Variants in KCNIP4 observed in about 807,000 individuals in gnomAD.
The protein encoded by KCNIP4 is Kv channel-interacting protein 4.
KCNIP4 carries 12 observed loss-of-function variants against 34.0 expected under a neutral mutation model. The ratio of observed to expected loss-of-function variants is 0.35; its 90% confidence interval spans 0.23 to 0.57. The LOEUF (loss-of-function observed/expected upper bound fraction) is 0.57, where lower values mean the gene tolerates loss of function less well. KCNIP4 is among the 20% of genes least tolerant of loss of function. The pLI is 0.83. For synonymous variants in KCNIP4, 124 were observed against 102.2 expected (o/e 1.21, Z -1.29); for missense variants, 238 against 311.7 (o/e 0.76, Z 1.78).
chr4:21,472,964 A>C (rs1730593739), intron 1 of KCNIP4, among the ~76,000 whole-genome samples: 1 of 152,176 alleles, frequency 6.6e-6, no homozygotes. Flanking sequence ...TTTTCAGGAG[A>C]GAAATATACT....
intron 1 of KCNIP4, among the ~76,000 whole-genome samples, chr4:21,331,069 T>G (rs1249014349): frequency 6.6e-6 from 1 of 152,206 alleles, no homozygotes; most frequent in Non-Finnish European, 1.5e-5. Context: ...CTTGTTCATG[T>G]GTAAGACACT....
intron 5 of KCNIP4, 67 bp from the exon 6 acceptor site, chr4:20,734,802 G>T: frequency 1.4e-6 from 1 of 691,106 alleles, no homozygotes. Context: ...AAAAACAAAT[G>T]ATGTAAGTAA....
intron 1 of KCNIP4, among the ~76,000 whole-genome samples, chr4:21,114,078 C>G (rs573545404): frequency 1.3e-5 from 2 of 150,638 alleles, no homozygotes; most frequent in African/African-American, 5.0e-5. Context: ...CTGATTCAGT[C>G]TTATCAGAGC....
At chr4:21,055,192 G>C (rs1428283207) in intron 1 of KCNIP4, among the ~76,000 whole-genome samples, 1 of 152,092 alleles carries the variant, frequency 6.6e-6, no homozygotes, top group East Asian at 1.9e-4. Context: ...GTAATTACAG[G>C]AGTATAAATT....
chr4:21,403,336 T>C (rs1011713976), intron 1 of KCNIP4, among the ~76,000 whole-genome samples: 4 of 152,194 alleles, frequency 2.6e-5, no homozygotes, highest in Admixed American at 6.5e-5. Flanking sequence ...TATAACCAAT[T>C]TCCACTGCTA....
chr4:21,583,928 T>G (rs1741422642), intron 1 of KCNIP4, among the ~76,000 whole-genome samples: 1 of 152,066 alleles, frequency 6.6e-6, no homozygotes, highest in African/African-American at 2.4e-5. Context: ...GTTCTTTTCT[T>G]GCATATGTTA....
intron 1 of KCNIP4, among the ~76,000 whole-genome samples, chr4:21,525,031 TCTC>T (rs1735856676): frequency 6.6e-6 from 1 of 152,030 alleles, no homozygotes; most frequent in African/African-American, 2.4e-5. Context: ...AAAGTCATCT[TCTC>T]CTTCTCCTAA....
chr4:21,608,987 T>TGACC (rs1189414272), intron 1 of KCNIP4: 1 of 152,198 alleles, frequency 6.6e-6, no homozygotes, highest in East Asian at 1.9e-4. Flanking sequence ...GCCTCATCAC[T>TGACC]GACCAGCCAA....
intron 1 of KCNIP4, among the ~76,000 whole-genome samples, chr4:21,140,716 C>T (rs924724572): frequency 6.6e-6 from 1 of 152,086 alleles, no homozygotes; most frequent in African/African-American, 2.4e-5. Flanking sequence ...AGTCTTTTTT[C>T]TGAATTTGCC....
At chr4:21,436,026 A>G (rs1299496706) in intron 1 of KCNIP4, among the ~76,000 whole-genome samples, 1 of 152,302 alleles carries the variant, frequency 6.6e-6, no homozygotes, top group East Asian at 1.9e-4. Flanking sequence ...TCTGTTTGAC[A>G]ATGTCAGGAT....
chr4:20,768,207 G>A (rs180786259), intron 3 of KCNIP4, among the ~76,000 whole-genome samples: 51 of 152,260 alleles, frequency 3.3e-4, no homozygotes, highest in Admixed American at 3.9e-4. Context: ...TATGCTGAAT[G>A]AATAAATCTT....
chr4:21,350,420 T>C (rs1717892978), intron 1 of KCNIP4, among the ~76,000 whole-genome samples: 1 of 152,204 alleles, frequency 6.6e-6, no homozygotes, highest in Non-Finnish European at 1.5e-5. Flanking sequence ...TGCAGGCTGC[T>C]AACATGGCCA....
intron 1 of KCNIP4, among the ~76,000 whole-genome samples, chr4:21,885,652 A>T (rs2109392609): frequency 6.6e-6 from 1 of 152,286 alleles, no homozygotes; most frequent in Non-Finnish European, 1.5e-5. Context: ...CTAATTTAGC[A>T]CAAACTTTAA....
At chr4:20,769,020 C>T (rs1755646687) in intron 3 of KCNIP4, among the ~76,000 whole-genome samples, 1 of 148,582 alleles carries the variant, frequency 6.7e-6, no homozygotes, top group African/African-American at 2.5e-5. Flanking sequence ...CTCTCCCCTT[C>T]AGTTCTGCCC....
chr4:21,458,099 C>T (rs1425218042), intron 1 of KCNIP4, among the ~76,000 whole-genome samples: 2 of 150,174 alleles, frequency 1.3e-5, no homozygotes, highest in Middle Eastern at 3.2e-3. Flanking sequence ...CCCACTAACT[C>T]GTCATCTAGC....
rs150923751 is a variant in KCNIP4, at chr4:21,711,289, T to C, written c.61+237282A>G. Among the ~76,000 whole-genome samples the C allele has an allele frequency of 6.1e-3, 931 of 152,240 alleles. 7 individuals carry two copies. Among genetic ancestry groups the C allele is most frequent in the Middle Eastern group, 0.024 (7 of 294 alleles). The stretch of plus-strand genomic sequence containing the variant: ...GAGATTGAGACCATCCTGGCCAACA[T>C]GGTGAAACTTCATCTCTACAAAAAA... On this transcript the variant is annotated intron_variant, in intron 1 of 8. Coordinates refer to ENST00000382152, the MANE Select transcript of KCNIP4 (RefSeq NM_025221.6).
In KCNIP4 at chr4:21,600,003, T is replaced by C. The variant is rs145790875; in HGVS notation, c.61+348568A>G. 5.0e-3 allele frequency among the ~76,000 whole-genome samples: 759 copies of C among 152,160 alleles called. 3 individuals are homozygous for C. The highest frequency in any genetic ancestry group is 6.8e-3 in the Non-Finnish European group (465 of 67,990). On this transcript the variant is annotated intron_variant, in intron 1 of 8. Transcript: ENST00000382152. ...ATTTTCAACAAAAATCCTCAGCGAT[T>C]CTGCTGCAGGTGGTCCTCAGATCAC...
Position 21,355,274 on chromosome 4 carries a change from T to A in KCNIP4, c.62-472565A>T, listed in dbSNP as rs189570849. Reference sequence around the variant, plus strand: ...AGCAAGAGCAAACAAATTCAAAAGCTAGCAGAAGGCAAGAAATAACTAAGA... The same window carrying A: ...AGCAAGAGCAAACAAATTCAAAAGCAAGCAGAAGGCAAGAAATAACTAAGA... On this transcript the variant is annotated intron_variant, in intron 1 of 8. Transcript: ENST00000382152. 6.8e-3 allele frequency among the ~76,000 whole-genome samples: 1,031 copies of A among 152,048 alleles called. 12 individuals carry two copies. The highest frequency in any genetic ancestry group is 0.024 in the African/African-American group (993 of 41,452).
At chr4:21,374,651 A>G (rs922395937) in intron 1 of KCNIP4, among the ~76,000 whole-genome samples, 3 of 147,774 alleles carry the variant, frequency 2.0e-5, no homozygotes, top group African/African-American at 8.0e-5. Flanking sequence ...ATATGATGGC[A>G]GTTTATTTTC....
Sources: gnomAD v4.1 joint callset for allele counts (sites outside exome capture counted in the v4.1 genomes callset) on GRCh38, gnomAD v4.1.1 for gene constraint, MANE v1.5 for transcripts, NCBI Gene and HGNC (gene_info 2026-07-23, HGNC 2026-07-21) for gene names.